Variants in ST18 observed in about 807,000 individuals in gnomAD.
The protein encoded by ST18 is suppression of tumorigenicity 18 protein.
Under a neutral mutation model 110.0 loss-of-function variants are expected in ST18, and 50 were observed. That is an observed-to-expected ratio of 0.45 (90% CI 0.36 to 0.58). ST18 has a LOEUF of 0.58. Ranked by LOEUF, ST18 falls within the 20% of genes least tolerant of loss-of-function variation. The pLI is 0.00. For synonymous variants in ST18, 461 were observed against 452.4 expected, an observed-to-expected ratio of 1.02 and a Z score of -0.24; for missense variants, 1,306 against 1,280.1, an observed-to-expected ratio of 1.02 and a Z score of -0.31.
chr8:52,235,073 T>C (rs2092409544), intron 2 of ST18, among the ~76,000 whole-genome samples: 1 of 152,004 alleles, frequency 6.6e-6, no homozygotes, highest in South Asian at 2.1e-4. Context: ...AAAAATTTAC[T>C]TGTGTAACCA....
At chr8:52,234,454 G>C (rs1037607281) in intron 2 of ST18, among the ~76,000 whole-genome samples, 5 of 151,912 alleles carry the variant, frequency 3.3e-5, no homozygotes, top group African/African-American at 1.2e-4. Context: ...TAGTAGATAT[G>C]GGGTTTCACT....
intron 2 of ST18, among the ~76,000 whole-genome samples, chr8:52,282,503 A>C (rs2139173141): frequency 6.6e-6 from 1 of 152,222 alleles, no homozygotes; most frequent in Middle Eastern, 3.4e-3. Context: ...CCTTTGAGAA[A>C]CGCACTAAGG....
At chr8:52,406,941 TA>T (rs1354042026) in intron 2 of ST18, 1 of 152,196 alleles carries the variant, frequency 6.6e-6, no homozygotes, top group African/African-American at 2.4e-5. Flanking sequence ...ACTCGGCTTG[TA>T]AAAGTAGTTC....
At chr8:52,291,089 G>A (rs1056928459) in intron 2 of ST18, among the ~76,000 whole-genome samples, 1 of 152,172 alleles carries the variant, frequency 6.6e-6, no homozygotes, top group African/African-American at 2.4e-5. Context: ...ATCCATCACT[G>A]CCTGATACTT....
At chr8:52,157,351 C>T (rs1040944916) in intron 15 of ST18, among the ~76,000 whole-genome samples, 8 of 151,978 alleles carry the variant, frequency 5.3e-5, no homozygotes, top group Admixed American at 2.6e-4. Context: ...AACCACTTAC[C>T]GTAGTCATTT....
chr8:52,121,825 G>C (rs1031746554), intron 23 of ST18, among the ~76,000 whole-genome samples: 1 of 152,040 alleles, frequency 6.6e-6, no homozygotes, highest in East Asian at 1.9e-4. Context: ...CAAGGAAACC[G>C]TATAAACTAT....
Position 52,120,830 on chromosome 8 carries a change from G to C in ST18, c.2756-2389C>G, listed in dbSNP as rs534834109. ...GAGATGATTGCTGGAGTCCTGGCTG[G>C]GTGTAGGGAAGTGAGGTCAAGAGAA... On this transcript the variant is annotated intron_variant, in intron 23 of 25. Coordinates refer to ENST00000689386, the MANE Select transcript of ST18 (RefSeq NM_001352837.2). Among the ~76,000 whole-genome samples, 7 of 152,282 alleles carry C rather than the reference G, an allele frequency of 4.6e-5. No homozygotes were observed. The South Asian group carries it at 1.5e-3, about 32-fold the overall frequency.
chr8:52,140,193 A>G (rs937004061), intron 17 of ST18, among the ~76,000 whole-genome samples: 1 of 152,220 alleles, frequency 6.6e-6, no homozygotes, highest in Admixed American at 6.5e-5. Context: ...ACTCAGACAC[A>G]TGCAAATAAG....
Position 52,112,927 on chromosome 8 carries a change from C to CAA in ST18, c.*269_*270dup, listed in dbSNP as rs3834880. The CAA allele has an allele frequency of 3.2e-4, 76 of 236,270 alleles. No homozygotes were observed. The highest frequency in any genetic ancestry group is 1.3e-3 in the Middle Eastern group (1 of 766). 14.6% of individuals were successfully genotyped at this position (236,270 alleles called of 1,614,324 possible). A position where few individuals can be genotyped will look rare whatever the true frequency, so the allele number is the denominator to read the frequency against. ...TCACATTTATTTTACATATACTTTA[C>CAA]AAAAAAAAAAAGAGTACAATGAAGA... On this transcript the variant is annotated 3_prime_UTR_variant, in exon 26 of 26. Transcript: ENST00000689386.
chr8:52,298,529 C>T (rs913596036), intron 2 of ST18, among the ~76,000 whole-genome samples: 4 of 152,190 alleles, frequency 2.6e-5, no homozygotes, highest in South Asian at 2.1e-4. Flanking sequence ...ATTACAGATA[C>T]CTCACATTTA....
At chr8:52,209,473 A>G (rs2081320640) in intron 8 of ST18, among the ~76,000 whole-genome samples, 1 of 152,160 alleles carries the variant, frequency 6.6e-6, no homozygotes, top group Non-Finnish European at 1.5e-5. Flanking sequence ...TAGGACCCCA[A>G]TAAATATTAG....
At chr8:52,300,348 T>C (rs939442092) in intron 2 of ST18, among the ~76,000 whole-genome samples, 4 of 152,158 alleles carry the variant, frequency 2.6e-5, no homozygotes, top group Admixed American at 2.0e-4. Flanking sequence ...AAGCATTAAG[T>C]TCAAGAAGAT....
At chr8:52,375,041 A>G (rs1314825636) in intron 2 of ST18, among the ~76,000 whole-genome samples, 1 of 151,938 alleles carries the variant, frequency 6.6e-6, no homozygotes, top group African/African-American at 2.4e-5. Context: ...TCCTAGTCCA[A>G]ATCAATCCTC....
At chr8:52,333,298 AT>A (rs1810467287) in intron 2 of ST18, among the ~76,000 whole-genome samples, 1 of 140,476 alleles carries the variant, frequency 7.1e-6, no homozygotes, top group South Asian at 2.1e-4. Flanking sequence ...AGCATTTTCT[AT>A]TAAAAAAAAA....
intron 2 of ST18, among the ~76,000 whole-genome samples, chr8:52,283,686 CAG>C (rs748079471): frequency 2.5e-4 from 38 of 152,266 alleles, no homozygotes; most frequent in Non-Finnish European, 4.4e-4. Flanking sequence ...TTGGCTTTCA[CAG>C]GGGCAGTTTC....
chr8:52,171,811 T>A lies in ST18; in HGVS notation c.1050A>T (p.Arg350Ser). The A allele has an allele frequency of 6.2e-7, 1 of 1,613,304 alleles. No individual in the cohort carries two copies. The highest frequency in any genetic ancestry group is 8.5e-7 in the Non-Finnish European group (1 of 1,179,296). Residue 350 changes from arginine (R) to serine (S), a missense_variant, in exon 10 of 26, where the codon AGA (arginine) becomes AGT (serine). Arg to Ser is a moderately radical substitution (Grantham distance 110). Transcript: ENST00000689386. ...TCTTACGTTTATTGTTAAAGATTTG[T>A]CTTCCACCCATGTCGATAACTTTGG... ...RQTKVIDMGG[R>S]QIFNNKHSPR...
intron 2 of ST18, among the ~76,000 whole-genome samples, chr8:52,278,163 G>A (rs192691647): frequency 2.5e-4 from 38 of 152,194 alleles, no homozygotes; most frequent in African/African-American, 7.7e-4. Context: ...TAATCTAAAC[G>A]TTGACAGCAT....
chr8:52,136,376 A>C (rs1047979734), intron 19 of ST18, among the ~76,000 whole-genome samples: 9 of 152,232 alleles, frequency 5.9e-5, no homozygotes, highest in Non-Finnish European at 1.3e-4. Flanking sequence ...TTATTATAAA[A>C]TACAAAGCCC....
intron 2 of ST18, among the ~76,000 whole-genome samples, chr8:52,321,487 T>C (rs1803878479): frequency 6.6e-6 from 1 of 152,218 alleles, no homozygotes. Context: ...ATCAAGACAA[T>C]GGCCACCAAG....
Sources: gnomAD v4.1 joint callset for allele counts (sites outside exome capture counted in the v4.1 genomes callset) on GRCh38, gnomAD v4.1.1 for gene constraint, MANE v1.5 for transcripts, NCBI Gene and HGNC (gene_info 2026-07-23, HGNC 2026-07-21) for gene names.